CRIM1: variants seen among roughly 807,000 people sequenced by gnomAD.
CRIM1 encodes cysteine-rich motor neuron 1 protein.
Under a neutral mutation model 116.4 loss-of-function variants are expected in CRIM1, and 32 were observed. The observed-to-expected ratio is 0.27, with a 90% CI of 0.21 to 0.37. The LOEUF is 0.37. Ranked by LOEUF, CRIM1 falls within the 10% of genes least tolerant of loss-of-function variation. The pLI is 1.00. For missense variants in CRIM1, 1,331 were observed against 1,354.8 expected (o/e 0.98, Z 0.28); for synonymous variants, 590 against 509.2 (o/e 1.16, Z -2.13).
At chr2:36,492,412 G>A (rs1377146522) in intron 7 of CRIM1, among the ~76,000 whole-genome samples, 1 of 152,070 alleles carries the variant, frequency 6.6e-6, no homozygotes, top group Non-Finnish European at 1.5e-5. Flanking sequence ...GCTTTCTTAA[G>A]TACACATTCA....
intron 6 of CRIM1, among the ~76,000 whole-genome samples, chr2:36,477,600 TCAGGTCACCAC>T (rs1679084782): frequency 1.3e-5 from 2 of 152,172 alleles, no homozygotes; most frequent in Admixed American, 1.3e-4. Flanking sequence ...GGTCGTGGTA[TCAGGTCACCAC>T]CTGGTGACAC....
intron 7 of CRIM1, among the ~76,000 whole-genome samples, chr2:36,490,370 C>T (rs1342476660): frequency 6.6e-6 from 1 of 152,134 alleles, no homozygotes; most frequent in Admixed American, 6.6e-5. Context: ...AGAGGTCCAT[C>T]ATAACATGTT....
intron 9 of CRIM1, among the ~76,000 whole-genome samples, chr2:36,511,027 A>G (rs1664637597): frequency 6.7e-6 from 1 of 148,578 alleles, no homozygotes; most frequent in South Asian, 2.1e-4. Flanking sequence ...CCAGGCTGTC[A>G]GTCCTCCCAC....
chr2:36,426,195 C>T (rs1674433856), intron 2 of CRIM1, among the ~76,000 whole-genome samples: 1 of 151,674 alleles, frequency 6.6e-6, no homozygotes, highest in East Asian at 1.9e-4. Flanking sequence ...ATGCATAGTC[C>T]AGAACCAAGA....
intron 2 of CRIM1, among the ~76,000 whole-genome samples, chr2:36,426,154 G>T (rs1674430587): frequency 6.6e-6 from 1 of 152,212 alleles, no homozygotes; most frequent in Non-Finnish European, 1.5e-5. Context: ...AAGCCGGCAT[G>T]CTGTATTTGG....
chr2:36,520,868 G>C (rs1381399261), intron 12 of CRIM1, among the ~76,000 whole-genome samples: 2 of 152,158 alleles, frequency 1.3e-5, no homozygotes, highest in Non-Finnish European at 2.9e-5. Context: ...AGTTGTTTCT[G>C]GTTCTTGACT....
At chr2:36,482,675 C>A (rs1679509534) in intron 7 of CRIM1, among the ~76,000 whole-genome samples, 1 of 152,192 alleles carries the variant, frequency 6.6e-6, no homozygotes, top group Non-Finnish European at 1.5e-5. Context: ...AGTTTATACA[C>A]ACAATAAATT....
rs749703663 is a variant in CRIM1 at position 36,513,590 on chromosome 2, G to A, written c.1815G>A (p.Ser605=). Reference sequence around the variant, plus strand: ...CTTCAGCTGGGCCACCCATCCTGTCGGGCACTTGTCTCACCGTGGATGGTC... The same window carrying A: ...CTTCAGCTGGGCCACCCATCCTGTCAGGCACTTGTCTCACCGTGGATGGTC... ...ASASAGPPIL[S]GTCLTVDGHH... Residue 605 remains serine, a synonymous_variant, in exon 11 of 17, where the codon TCG becomes TCA. Coordinates refer to ENST00000280527, the MANE Select transcript of CRIM1 (RefSeq NM_016441.3). The A allele has an allele frequency of 5.4e-5, 87 of 1,614,100 alleles. No individual in the cohort carries two copies. The highest frequency in any genetic ancestry group is 1.7e-4 in the Middle Eastern group (1 of 6,058).
intron 2 of CRIM1, among the ~76,000 whole-genome samples, chr2:36,416,418 A>G (rs924409382): frequency 3.9e-5 from 6 of 152,166 alleles, no homozygotes; most frequent in Admixed American, 2.0e-4. Flanking sequence ...TAAGACTAGA[A>G]TGACCGGTTC....
intron 1 of CRIM1, among the ~76,000 whole-genome samples, chr2:36,375,254 G>T: frequency 6.6e-6 from 1 of 151,562 alleles, no homozygotes; most frequent in East Asian, 1.9e-4. Flanking sequence ...TACAAAATTC[G>T]AAAAAAAACT....
intron 2 of CRIM1, among the ~76,000 whole-genome samples, chr2:36,413,464 C>T (rs1482179710): frequency 1.3e-5 from 2 of 152,122 alleles, no homozygotes; most frequent in Admixed American, 6.5e-5. Context: ...GCTTTTCACA[C>T]AAGCGGGAAA....
At position 36,539,403 on chromosome 2, in the gene CRIM1, G is replaced by A. The variant is rs557818838; in HGVS notation, c.2623+1857G>A. ...AGTGAGCATGGAGGAGGTAAGAGGTGGGGCAGAGAGGCAGCCACGGCCAGA... is the reference window on the plus strand; with the variant it reads ...AGTGAGCATGGAGGAGGTAAGAGGTAGGGCAGAGAGGCAGCCACGGCCAGA... On this transcript the variant is annotated intron_variant, in intron 14 of 16. Coordinates refer to ENST00000280527, the MANE Select transcript of CRIM1 (RefSeq NM_016441.3). Among the ~76,000 whole-genome samples, 4 of 152,274 alleles carry A rather than the reference G, an allele frequency of 2.6e-5. No homozygotes were observed. In the South Asian group the frequency reaches 8.3e-4, roughly 32 times the overall value.
At chr2:36,421,407 G>A (rs1009893896) in intron 2 of CRIM1, among the ~76,000 whole-genome samples, 4 of 152,084 alleles carry the variant, frequency 2.6e-5, no homozygotes, top group South Asian at 4.1e-4. Context: ...TTCTTGATGG[G>A]ACTTTTTTCA....
chr2:36,367,926 A>G (rs1669701765), intron 1 of CRIM1, among the ~76,000 whole-genome samples: 3 of 152,168 alleles, frequency 2.0e-5, no homozygotes, highest in Non-Finnish European at 4.4e-5. Flanking sequence ...TTAATTATTA[A>G]GACTATGAGG....
intron 1 of CRIM1, among the ~76,000 whole-genome samples, chr2:36,386,745 G>A (rs6754446): frequency 0.57 from 86,645 of 152,114 alleles, 25,202 homozygotes; most frequent in East Asian, 0.91. Context: ...TTGTGCTGCT[G>A]TAAGTGAAGT....
At chr2:36,421,300 T>C (rs1011791229) in intron 2 of CRIM1, among the ~76,000 whole-genome samples, 1 of 152,200 alleles carries the variant, frequency 6.6e-6, no homozygotes, top group African/African-American at 2.4e-5. Context: ...AATGATGTCA[T>C]GAAACAAAAG....
intron 11 of CRIM1, among the ~76,000 whole-genome samples, chr2:36,514,853 C>T (rs963049378): frequency 3.3e-5 from 5 of 152,206 alleles, no homozygotes; most frequent in African/African-American, 1.2e-4. Context: ...TTCTGCACAG[C>T]TCAATAGCTA....
intron 1 of CRIM1, among the ~76,000 whole-genome samples, chr2:36,361,061 A>T (rs1183139765): frequency 6.6e-6 from 1 of 152,192 alleles, no homozygotes; most frequent in Non-Finnish European, 1.5e-5. Context: ...CAAAACATGG[A>T]GAGACCAACT....
At chr2:36,399,773 ATTGT>A (rs1327408361) in intron 2 of CRIM1, among the ~76,000 whole-genome samples, 2 of 152,216 alleles carry the variant, frequency 1.3e-5, no homozygotes, top group Non-Finnish European at 2.9e-5. Context: ...AAAGGACAAA[ATTGT>A]TTGTTTCTCA....
Sources: allele counts gnomAD v4.1 joint callset (sites outside exome capture counted in the v4.1 genomes callset), GRCh38; gene constraint gnomAD v4.1.1; transcripts MANE v1.5; gene names NCBI Gene and HGNC (gene_info 2026-07-23, HGNC 2026-07-21).